Variants in IQCJ observed in about 807,000 individuals in gnomAD.
The protein encoded by IQCJ is IQ domain-containing protein J.
IQCJ carries 9 observed loss-of-function variants against 11.0 expected under a neutral mutation model. That is an observed-to-expected ratio of 0.82 (90% CI 0.49 to 1.43). The LOEUF (loss-of-function observed/expected upper bound fraction) is 1.43. Ranked by LOEUF, IQCJ falls within the 40% of genes most tolerant of loss-of-function variation. The pLI is 0.00. For missense variants in IQCJ, 146 were observed against 133.2 expected, an observed-to-expected ratio of 1.10 and a Z score of -0.47; for synonymous variants, 55 against 51.3, an observed-to-expected ratio of 1.07 and a Z score of -0.31.
At chr3:159,257,376 A>G (rs1465108600) in intron 3 of IQCJ, among the ~76,000 whole-genome samples, 1 of 152,220 alleles carries the variant, frequency 6.6e-6, no homozygotes, top group Non-Finnish European at 1.5e-5. Context: ...AAAGAGTGTT[A>G]TAGATCCAGG....
At chr3:159,166,847 C>A (rs1440626949) in intron 1 of IQCJ, among the ~76,000 whole-genome samples, 2 of 152,270 alleles carry the variant, frequency 1.3e-5, no homozygotes, top group East Asian at 3.9e-4. Context: ...GGTGTGCTCC[C>A]TCAGCAAGTC....
intron 1 of IQCJ, among the ~76,000 whole-genome samples, chr3:159,238,097 A>G (rs1397969736): frequency 1.3e-5 from 2 of 152,144 alleles, no homozygotes; most frequent in South Asian, 2.1e-4. Flanking sequence ...AAGGAAGGGT[A>G]GGTCTTGGAG....
rs952619444 is a variant in IQCJ at position 159,171,233 on chromosome 3, A to ATT, written c.10-74608_10-74607dup. On this transcript the variant is annotated intron_variant, in intron 1 of 3. Transcript: ENST00000397832. ...AACATCTCTCTCTATCTAAATCTAT[A>ATT]TTTATCTGTCCACATCAGTGTTATC... is the stretch of plus-strand genomic sequence containing the variant. Among the ~76,000 whole-genome samples, 15 of 152,126 alleles carry ATT rather than the reference A, an allele frequency of 9.9e-5. 1 individual carries two copies. The highest frequency in any genetic ancestry group is 3.6e-4 in the African/African-American group (15 of 41,534).
intron 1 of IQCJ, 91 bp downstream of exon 1, chr3:159,069,532 A>G (rs908480950): frequency 6.6e-7 from 1 of 1,521,578 alleles, no homozygotes; most frequent in Non-Finnish European, 8.8e-7. Flanking sequence ...CTGAATTAAC[A>G]TGTATGCAAA....
intron 1 of IQCJ, among the ~76,000 whole-genome samples, chr3:159,088,174 G>A: frequency 6.6e-6 from 1 of 152,002 alleles, no homozygotes; most frequent in African/African-American, 2.4e-5. Context: ...ATTTCCTTAT[G>A]TACCCAGTAA....
chr3:159,228,546 T>C (rs1345636163), intron 1 of IQCJ, among the ~76,000 whole-genome samples: 1 of 151,926 alleles, frequency 6.6e-6, no homozygotes, highest in Non-Finnish European at 1.5e-5. Context: ...ATCCTAGCAC[T>C]TTGGGAGGCC....
chr3:159,205,151 G>A (rs987884368), intron 1 of IQCJ, among the ~76,000 whole-genome samples: 2 of 152,140 alleles, frequency 1.3e-5, no homozygotes, highest in African/African-American at 4.8e-5. Flanking sequence ...CACAAGTTTG[G>A]GGGCTTCTGA....
chr3:159,263,886 T>C (rs1728356298), downstream of IQCJ: 18 of 903,222 alleles, frequency 2.0e-5, no homozygotes, highest in Non-Finnish European at 2.4e-5. Context: ...AAAACAATTA[T>C]TTAGGGGAAT....
At chr3:159,189,708 G>C (rs1437039913) in intron 1 of IQCJ, among the ~76,000 whole-genome samples, 2 of 152,076 alleles carry the variant, frequency 1.3e-5, no homozygotes, top group African/African-American at 4.8e-5. Context: ...CCTCTTTCAA[G>C]AAGACTCAGG....
At chr3:159,237,973 A>T (rs1206279328) in intron 1 of IQCJ, among the ~76,000 whole-genome samples, 1 of 152,218 alleles carries the variant, frequency 6.6e-6, no homozygotes, top group Non-Finnish European at 1.5e-5. Context: ...AGGACGACTG[A>T]GAGTTTAATG....
At chr3:159,252,410 T>G (rs1727655228) in intron 2 of IQCJ, among the ~76,000 whole-genome samples, 1 of 151,882 alleles carries the variant, frequency 6.6e-6, no homozygotes, top group South Asian at 2.1e-4. Flanking sequence ...TATAACCATA[T>G]CCTTGTGTTT....
intron 1 of IQCJ, among the ~76,000 whole-genome samples, chr3:159,108,944 G>A (rs1232275973): frequency 6.6e-6 from 1 of 152,182 alleles, no homozygotes; most frequent in African/African-American, 2.4e-5. Flanking sequence ...AGAGGATGGG[G>A]CCAACCAGCA....
chr3:159,120,055 T>G (rs1719268602), intron 1 of IQCJ, among the ~76,000 whole-genome samples: 1 of 152,250 alleles, frequency 6.6e-6, no homozygotes, highest in South Asian at 2.1e-4. Flanking sequence ...CATGTAGTAC[T>G]TTATTAATAT....
At chr3:159,185,634 C>G (rs1394764466) in intron 1 of IQCJ, among the ~76,000 whole-genome samples, 1 of 152,200 alleles carries the variant, frequency 6.6e-6, no homozygotes, top group African/African-American at 2.4e-5. Flanking sequence ...AATTGCTTGA[C>G]TGAGGCTTGA....
intron 1 of IQCJ, among the ~76,000 whole-genome samples, chr3:159,127,600 ATGT>A (rs1340225671): frequency 5.3e-5 from 8 of 152,168 alleles, no homozygotes; most frequent in African/African-American, 1.9e-4. Context: ...CACATGATTT[ATGT>A]TTATTAAGGC....
chr3:159,121,421 G>A (rs144018728), intron 1 of IQCJ, among the ~76,000 whole-genome samples: 50 of 152,206 alleles, frequency 3.3e-4, no homozygotes, highest in African/African-American at 1.1e-3. Context: ...GGTATGAGCC[G>A]CTGCGCCCAG....
chr3:159,214,034 A>C (rs1239038513), intron 1 of IQCJ, among the ~76,000 whole-genome samples: 1 of 152,278 alleles, frequency 6.6e-6, no homozygotes, highest in Non-Finnish European at 1.5e-5. Flanking sequence ...TTCCCTGGGA[A>C]ATCCTATTCA....
At position 159,263,272 on chromosome 3, in the gene IQCJ, AT is replaced by A. The variant is rs1728324994; in HGVS notation, c.*545del. 2.8e-6 allele frequency: 1 copy of A among 350,988 alleles called. No individual in the cohort carries two copies. The highest frequency in any genetic ancestry group is 6.5e-5 in the Admixed American group (1 of 15,460). The allele number at this position is 350,988 out of a possible 1,614,324, so 21.7% of individuals were successfully genotyped here. A position where few individuals can be genotyped will look rare whatever the true frequency, so the allele number is the denominator to read the frequency against. ...ATACAGGCAGGCATGGCCAAATGTG[AT>A]TTTCTTTCTTCAGGACATGTCAGAA... On this transcript the variant is annotated 3_prime_UTR_variant, in exon 4 of 4. Transcript: ENST00000397832.
intron 1 of IQCJ, among the ~76,000 whole-genome samples, chr3:159,122,264 A>AT (rs1452718824): frequency 6.6e-5 from 10 of 152,206 alleles, no homozygotes; most frequent in African/African-American, 2.4e-4. Flanking sequence ...GATGGTTAGG[A>AT]TTTCAGCATT....
Sources: allele counts gnomAD v4.1 joint callset (sites outside exome capture counted in the v4.1 genomes callset), GRCh38; gene constraint gnomAD v4.1.1; transcripts MANE v1.5; gene names NCBI Gene and HGNC (gene_info 2026-07-23, HGNC 2026-07-21).